The following CADM2 variants were observed in gnomAD, a reference collection of about 807,000 sequenced individuals.
CADM2 encodes the protein cell adhesion molecule 2, also known as immunoglobulin superfamily member 4D.
Under a neutral mutation model 49.8 loss-of-function variants are expected in CADM2, and 12 were observed. The observed-to-expected ratio is 0.24, with a 90% confidence interval of 0.15 to 0.39. The LOEUF (loss-of-function observed/expected upper bound fraction) is 0.39. Among genes scored for constraint, CADM2 ranks in the 10% least tolerant of loss-of-function variants. The pLI is 1.00. For synonymous variants in CADM2, 214 were observed against 175.4 expected, an observed-to-expected ratio of 1.22 and a Z score of -1.74; for missense variants, 378 against 492.3, an observed-to-expected ratio of 0.77 and a Z score of 2.20.
rs989392674 is a variant in CADM2 at position 85,398,633 on chromosome 3, G to A, written c.62-327889G>A. Among the ~76,000 whole-genome samples the A allele has an allele frequency of 3.3e-5, 5 of 152,144 alleles. 1 individual carries two copies. In the East Asian group the frequency reaches 5.8e-4, roughly 18 times the overall value. On this transcript the variant is annotated intron_variant, in intron 1 of 9. Coordinates refer to ENST00000383699, the MANE Select transcript of CADM2 (RefSeq NM_001167675.2). ...GTACAGTCCCACCAACAGTGTAAAA[G>A]TGTTCCTATTTCTCCACATCCTCTC...
At chr3:85,037,009 A>C (rs1320708392) in intron 1 of CADM2, among the ~76,000 whole-genome samples, 2 of 151,402 alleles carry the variant, frequency 1.3e-5, no homozygotes, top group African/African-American at 4.8e-5. Context: ...AAAAAAAAAA[A>C]AAAAAAAAAA....
At chr3:85,224,378 G>A (rs1286148944) in intron 1 of CADM2, among the ~76,000 whole-genome samples, 3 of 152,082 alleles carry the variant, frequency 2.0e-5, no homozygotes, top group African/African-American at 7.2e-5. Context: ...TCATAAGTTT[G>A]TTGGCTCCAT....
intron 6 of CADM2, among the ~76,000 whole-genome samples, chr3:85,919,244 G>T (rs1421101521): frequency 1.3e-5 from 2 of 151,910 alleles, no homozygotes; most frequent in Non-Finnish European, 2.9e-5. Context: ...AACAGTACTA[G>T]GCTTTGCCTA....
chr3:85,393,522 T>G (rs2034619927), intron 1 of CADM2, among the ~76,000 whole-genome samples: 1 of 152,304 alleles, frequency 6.6e-6, no homozygotes, highest in African/African-American at 2.4e-5. Flanking sequence ...ATAAATTATC[T>G]TAAAGTTATA....
At chr3:85,562,208 A>G (rs913392196) in intron 1 of CADM2, among the ~76,000 whole-genome samples, 1 of 152,074 alleles carries the variant, frequency 6.6e-6, no homozygotes, top group Non-Finnish European at 1.5e-5. Flanking sequence ...TTAAGATAAG[A>G]GTACTTCACT....
chr3:85,926,168 A>AT (rs71770537), intron 6 of CADM2, among the ~76,000 whole-genome samples: 1 of 137,014 alleles, frequency 7.3e-6, no homozygotes, highest in African/African-American at 2.7e-5. Context: ...AAATAAATAA[A>AT]TAAATAAATA....
chr3:85,016,266 G>A (rs976588165), intron 1 of CADM2, among the ~76,000 whole-genome samples: 1 of 152,096 alleles, frequency 6.6e-6, no homozygotes, highest in African/African-American at 2.4e-5. Context: ...GAAACATGTA[G>A]AGGCACTAAT....
intron 1 of CADM2, among the ~76,000 whole-genome samples, chr3:85,149,675 C>T (rs535813577): frequency 5.9e-5 from 9 of 152,236 alleles, no homozygotes; most frequent in African/African-American, 2.2e-4. Context: ...TGCAGTGAGC[C>T]GAGATCCTGC....
chr3:85,559,655 A>AACACACAC (rs144677158), intron 1 of CADM2, among the ~76,000 whole-genome samples: 130 of 111,078 alleles, frequency 1.2e-3, no homozygotes, highest in African/African-American at 3.6e-3. Flanking sequence ...ATTTAAAAGA[A>AACACACAC]ACACACACAC....
rs1362537904 is a variant in CADM2, at chr3:85,078,253, A to G, written c.61+118585A>G. ...CAGAAAGAGAAAGAACAGAAAATTC[A>G]TATCTGGTGATCAACCAGTAACATG... On this transcript the variant is annotated intron_variant, in intron 1 of 9. Coordinates refer to ENST00000383699, the MANE Select transcript of CADM2 (RefSeq NM_001167675.2). 2.6e-5 allele frequency among the ~76,000 whole-genome samples: 4 copies of G among 152,122 alleles called. No homozygotes were observed. In the East Asian group the frequency reaches 5.8e-4, roughly 22 times the overall value.
rs1731933344 is a variant in CADM2 at position 86,014,303 on chromosome 3, C to T, written c.971-51302C>T. 1.7e-5 allele frequency: 23 copies of T among 1,353,086 alleles called. No individual in the cohort carries two copies. The South Asian group carries it at 3.4e-4, about 20-fold the overall frequency. 83.8% of individuals were successfully genotyped at this position (1,353,086 alleles called of 1,614,324 possible). A position where few individuals can be genotyped will look rare whatever the true frequency, so the allele number is the denominator to read the frequency against. On this transcript the variant is annotated intron_variant, in intron 8 of 9. Coordinates refer to ENST00000383699, the MANE Select transcript of CADM2 (RefSeq NM_001167675.2). ...TTACTATTGTTGTTCTTAAAAATGT[C>T]CTATCTTTTACAAGAGCCTTTGGGG... is the stretch of plus-strand genomic sequence containing the variant.
At chr3:85,572,653 A>C (rs1315964654) in intron 1 of CADM2, among the ~76,000 whole-genome samples, 1 of 152,218 alleles carries the variant, frequency 6.6e-6, no homozygotes, top group Non-Finnish European at 1.5e-5. Context: ...GTCTGAGGCC[A>C]AAAGCCTGAG....
intron 1 of CADM2, among the ~76,000 whole-genome samples, chr3:85,084,535 A>G (rs767900267): frequency 7.9e-5 from 12 of 152,186 alleles, no homozygotes; most frequent in Non-Finnish European, 1.6e-4. Flanking sequence ...GGCTAATCCA[A>G]ATTGAGATTG....
intron 1 of CADM2, among the ~76,000 whole-genome samples, chr3:85,206,840 G>A (rs2041655111): frequency 6.6e-6 from 1 of 151,666 alleles, no homozygotes; most frequent in Admixed American, 6.6e-5. Flanking sequence ...ATATTAAGTT[G>A]CTAAGAAAGA....
chr3:85,285,056 A>C (rs1576280310), intron 1 of CADM2, among the ~76,000 whole-genome samples: 2 of 152,268 alleles, frequency 1.3e-5, no homozygotes, highest in Admixed American at 1.3e-4. Context: ...AAGGTAGTGC[A>C]GATAGGATTT....
rs988582255 is a variant in CADM2, at chr3:84,959,604, G to T, written c.-4G>T. 2.0e-6 allele frequency: 3 copies of T among 1,536,974 alleles called. No individual in the cohort carries two copies. The African/African-American group carries it at 4.1e-5, about 21-fold the overall frequency. ...TCCTTCCCCAGCCCTTTAGAGAAGG[G>T]ACCATGATTTGGAAACGCAGCGCCG... is the stretch of plus-strand genomic sequence containing the variant. On this transcript the variant is annotated 5_prime_UTR_variant, in exon 1 of 10. Coordinates refer to ENST00000383699, the MANE Select transcript of CADM2 (RefSeq NM_001167675.2).
chr3:85,621,574 G>A (rs892977068), intron 1 of CADM2, among the ~76,000 whole-genome samples: 1 of 151,966 alleles, frequency 6.6e-6, no homozygotes, highest in Non-Finnish European at 1.5e-5. Flanking sequence ...AGTTCAATGC[G>A]ATTACTCTGC....
At chr3:85,352,544 A>G (rs750105170) in intron 1 of CADM2, among the ~76,000 whole-genome samples, 1 of 152,146 alleles carries the variant, frequency 6.6e-6, no homozygotes, top group Non-Finnish European at 1.5e-5. Context: ...TATTTGGAGG[A>G]CCAGGTCTGA....
chr3:85,187,841 T>C (rs79201638), intron 1 of CADM2, among the ~76,000 whole-genome samples: 4,897 of 151,848 alleles, frequency 0.032, 108 homozygotes, highest in East Asian at 0.044. Flanking sequence ...TAATAACAAA[T>C]ACTTTTTTTT....
Sources: allele counts gnomAD v4.1 joint callset (sites outside exome capture counted in the v4.1 genomes callset), GRCh38; gene constraint gnomAD v4.1.1; transcripts MANE v1.5; gene names NCBI Gene and HGNC (gene_info 2026-07-23, HGNC 2026-07-21).